The following SUPT7L variants were observed in gnomAD, a reference collection of about 807,000 sequenced individuals.
SUPT7L encodes the protein SPT7 like, STAGA complex subunit gamma.
Under a neutral mutation model 35.7 loss-of-function variants are expected in SUPT7L, and 15 were observed. That is an observed-to-expected ratio of 0.42 (90% CI 0.28 to 0.65). The LOEUF (loss-of-function observed/expected upper bound fraction) is 0.65, where lower values mean the gene tolerates loss of function less well. SUPT7L is among the 30% of genes least tolerant of loss of function. SUPT7L has a pLI of 0.23. For synonymous variants in SUPT7L, 168 were observed against 186.2 expected (o/e 0.90, Z 0.79); for missense variants, 434 against 522.2 (o/e 0.83, Z 1.65).
downstream of SUPT7L, chr2:27,647,972 AACAGAGCATCTGCTTAT>A: frequency 7.9e-7 from 1 of 1,258,996 alleles, no homozygotes; most frequent in Non-Finnish European, 1.2e-6. Flanking sequence ...GGCCCGTGGC[AACAGAGCATCTGCTTAT>A]CCTCACATTG....
In SUPT7L at chr2:27,651,053, CAA is replaced by C. The variant is rs1674514246; in HGVS notation, c.*2430_*2431del. On this transcript the variant is annotated 3_prime_UTR_variant, in exon 6 of 6. Coordinates refer to ENST00000337768, the MANE Select transcript of SUPT7L (RefSeq NM_014860.3). Reference sequence around the variant, plus strand: ...TTTGTATTGTACTCTGAACTTAATGCAAAGTCTCCTTGGTGATTTTCGCAAAG... The same window carrying C: ...TTTGTATTGTACTCTGAACTTAATGCAGTCTCCTTGGTGATTTTCGCAAAG... The C allele has an allele frequency of 6.6e-6, 1 of 152,362 alleles. No individual in the cohort carries two copies. Among genetic ancestry groups the C allele is most frequent in the African/African-American group, 2.4e-5 (1 of 41,464 alleles). The allele number at this position is 152,362 out of a possible 1,614,324, so 9.4% of individuals were successfully genotyped here.
At chr2:27,655,333 A>G (rs2148111912) in intron 5 of SUPT7L, 32 bp downstream of exon 5, 1 of 1,501,746 alleles carries the variant, frequency 6.7e-7, no homozygotes, top group African/African-American at 1.4e-5. Context: ...CAGATCTCCC[A>G]GAATCAAAGT....
At chr2:27,646,895 A>G (rs1674258690), downstream of SUPT7L, among the ~76,000 whole-genome samples, 1 of 152,162 alleles carries the variant, frequency 6.6e-6, no homozygotes, top group Admixed American at 6.5e-5. Context: ...AGCTCAGCAA[A>G]ATACATTTCT....
At chr2:27,649,523 C>CT (rs376145126), downstream of SUPT7L, among the ~76,000 whole-genome samples, 3 of 151,946 alleles carry the variant, frequency 2.0e-5, no homozygotes, top group African/African-American at 7.3e-5. Context: ...CCTCATGCCC[C>CT]TTTTTTTTCA....
downstream of SUPT7L, chr2:27,650,254 C>G: frequency 1.0e-6 from 1 of 991,908 alleles, no homozygotes; most frequent in South Asian, 1.3e-5. Flanking sequence ...TGGACCTCCA[C>G]GTGAAAGAAC....
rs1019378343 is a variant in SUPT7L at position 27,655,434 on chromosome 2, C to T, written c.913G>A (p.Gly305Arg). ...LASGDQSLPM[G>R]VLGAQSERFP... ...CGTTCGCTCTGAGCCCCAAGCACTC[C>T]CATAGGCAGTGACTGGTCTCCAGAA... is the stretch of plus-strand genomic sequence containing the variant. The change falls in exon 5 of 6, where the codon GGA becomes AGA. Residue 305 changes from glycine to arginine, a missense_variant. Gly to Arg is a moderately radical substitution (Grantham distance 125). Transcript: ENST00000337768. 6.2e-7 allele frequency: 1 copy of T among 1,613,834 alleles called. No individual in the cohort carries two copies. The highest frequency in any genetic ancestry group is 8.5e-7 in the Non-Finnish European group (1 of 1,179,938).
Position 27,657,557 on chromosome 2 carries a change from C to T in SUPT7L, c.532G>A (p.Val178Ile), listed in dbSNP as rs751665936. The change falls in exon 4 of 6, where the codon GTC becomes ATC. Residue 178 changes from valine (V) to isoleucine (I), a missense_variant. Coordinates refer to ENST00000337768, the MANE Select transcript of SUPT7L (RefSeq NM_014860.3). The surrounding 1 kb of genome is among the most constrained non-coding windows in gnomAD (Gnocchi z 5.2). ...GCCACATCAGTTAGGGTCTCCAGGACACTCTCATTAGCACAGTCAAAGCCC... is the reference window on the plus strand; with the variant it reads ...GCCACATCAGTTAGGGTCTCCAGGATACTCTCATTAGCACAGTCAAAGCCC... ...HAGFDCANES[V>I]LETLTDVAHE... 2.5e-6 allele frequency: 4 copies of T among 1,614,260 alleles called. No individual in the cohort carries two copies. In the South Asian group the frequency reaches 4.4e-5, roughly 18 times the overall value.
the SUPT7L span, among the ~76,000 whole-genome samples, chr2:27,642,952 T>TACAC: frequency 1.2e-3 from 47 of 38,052 alleles, no homozygotes; most frequent in African/African-American, 2.4e-3. Context: ...TTTATATATA[T>TACAC]ATATATACAC....
chr2:27,646,108 C>G (rs1433503835), downstream of SUPT7L, among the ~76,000 whole-genome samples: 4 of 152,176 alleles, frequency 2.6e-5, no homozygotes, highest in Non-Finnish European at 4.4e-5. Context: ...ATGGCGCGAT[C>G]TCGGCTCACT....
chr2:27,657,796 T>C lies in SUPT7L; in HGVS notation c.420-127A>G. 3.4e-6 allele frequency: 3 copies of C among 885,136 alleles called. No individual in the cohort carries two copies. Among genetic ancestry groups the C allele is most frequent in the Non-Finnish European group, 5.1e-6 (3 of 591,262 alleles). 54.8% of individuals were successfully genotyped at this position (885,136 alleles called of 1,614,324 possible). ...GCTTTCCAGGGAAATTCCATCCAAG[T>C]TACATAGCTCAGTTTCATCCTGCTG... On this transcript the variant is annotated intron_variant, in intron 3 of 5. Coordinates refer to ENST00000337768, the MANE Select transcript of SUPT7L (RefSeq NM_014860.3). This position sits in a 1 kb window ranked among gnomAD's most constrained non-coding sequence, Gnocchi z 5.2.
chr2:27,645,496 T>G, the SUPT7L span, among the ~76,000 whole-genome samples: 1 of 152,130 alleles, frequency 6.6e-6, no homozygotes, highest in Non-Finnish European at 1.5e-5. Flanking sequence ...TTACATTATA[T>G]TCATAATTAA....
the SUPT7L span, among the ~76,000 whole-genome samples, chr2:27,644,008 A>C: frequency 9.2e-5 from 14 of 152,120 alleles, no homozygotes; most frequent in Non-Finnish European, 1.8e-4. Flanking sequence ...GTGAAACCCC[A>C]TCTCTCCTAA....
downstream of SUPT7L, chr2:27,649,970 C>A: frequency 1.8e-6 from 1 of 562,268 alleles, no homozygotes; most frequent in South Asian, 2.0e-5. Context: ...ATAGAGCATG[C>A]TTCTAGGAGA....
chr2:27,661,080 G>A lies in SUPT7L; in HGVS notation c.323C>T (p.Ser108Leu), dbSNP rs191619402. 29 of 1,614,164 alleles carry A rather than the reference G, an allele frequency of 1.8e-5. No individual in the cohort carries two copies. In the East Asian group the frequency reaches 3.3e-4, roughly 19 times the overall value. The change falls in exon 3 of 6, where the codon TCA becomes TTA. Residue 108 changes from serine (S) to leucine (L), a missense_variant. Physicochemically the swap from Ser to Leu is moderately radical, Grantham distance 145. Around this residue, in one of 3 missense-constraint regions of SUPT7L, gnomAD observed 198 missense variants for 190.8 expected, o/e 1.04. Transcript: ENST00000337768. ...CAGGAGGTCATCAGGGAGAGGAGGTGACCCAGGGCACGAGGGAAGAGGTTC... is the reference window on the plus strand; with the variant it reads ...CAGGAGGTCATCAGGGAGAGGAGGTAACCCAGGGCACGAGGGAAGAGGTTC... ...ESEPLPSCPG[S>L]PPLPDDLLPL... is the part of the protein sequence containing the mutation.
downstream of SUPT7L, chr2:27,647,720 C>T: frequency 3.1e-6 from 2 of 645,176 alleles, no homozygotes; most frequent in Non-Finnish European, 5.7e-6. Context: ...AGGTAAGATC[C>T]TGCGTTTATA....
chr2:27,653,802 A>G, intron 5 of SUPT7L, 55 bp from the exon 6 acceptor site: 1 of 1,602,766 alleles, frequency 6.2e-7, no homozygotes, highest in South Asian at 1.1e-5. Context: ...AGCCAAGTGT[A>G]GAACAAAGAG....
chr2:27,653,836 T>C (rs1674672025), intron 5 of SUPT7L, 89 bp from the exon 6 acceptor site: 1 of 1,484,444 alleles, frequency 6.7e-7, no homozygotes, highest in Non-Finnish European at 9.2e-7. Context: ...CAGAACCAAC[T>C]AATATGCTTT....
In SUPT7L at chr2:27,661,085, A is replaced by G; in HGVS notation, c.318T>C (p.Pro106=). 2 of 1,614,190 alleles carry G rather than the reference A, an allele frequency of 1.2e-6. No individual in the cohort carries two copies. The highest frequency in any genetic ancestry group is 1.7e-6 in the Non-Finnish European group (2 of 1,180,040). The change falls in exon 3 of 6, where the codon CCT becomes CCC. Residue 106 remains proline (P), a synonymous_variant. Transcript: ENST00000337768. ...TEESEPLPSC[P]GSPPLPDDLL... is the part of the protein sequence containing the mutation. ...GGTCATCAGGGAGAGGAGGTGACCC[A>G]GGGCACGAGGGAAGAGGTTCACTCT...
chr2:27,650,676 A>T (rs1324335984), downstream of SUPT7L: 1 of 153,814 alleles, frequency 6.5e-6, no homozygotes, highest in African/African-American at 2.4e-5. Flanking sequence ...GAGCTTATCC[A>T]GAACGGTGGC....
Sources: allele counts gnomAD v4.1 joint callset (sites outside exome capture counted in the v4.1 genomes callset), GRCh38; gene constraint gnomAD v4.1.1; regional missense constraint gnomAD v4.1.1; non-coding constraint Gnocchi (gnomAD v3.1); transcripts MANE v1.5; gene names NCBI Gene and HGNC (gene_info 2026-07-23, HGNC 2026-07-21).